NREP: variants seen among roughly 807,000 people sequenced by gnomAD.
The protein encoded by NREP is neuronal regeneration-related protein.
Under a neutral mutation model 8.6 loss-of-function variants are expected in NREP, and 5 were observed. That is an observed-to-expected ratio of 0.58 (90% CI 0.30 to 1.22). The LOEUF (loss-of-function observed/expected upper bound fraction) is 1.22, where lower values mean the gene tolerates loss of function less well. NREP is among the 50% of genes most tolerant of loss of function. The probability of loss-of-function intolerance (pLI) is 0.07; values close to 1 mark genes in which losing one functional copy is unlikely to be tolerated. For synonymous variants in NREP, 27 were observed against 28.0 expected, an observed-to-expected ratio of 0.96 and a Z score of 0.11; for missense variants, 86 against 82.5, an observed-to-expected ratio of 1.04 and a Z score of -0.17.
At chr5:111,819,000 G>A (rs1055928907) in intron 2 of NREP, among the ~76,000 whole-genome samples, 35 of 152,166 alleles carry the variant, frequency 2.3e-4, no homozygotes, top group African/African-American at 8.0e-4. Context: ...GTTAGATATA[G>A]TGAACTCCAA....
At chr5:111,787,892 G>C (rs765765397) in intron 2 of NREP, among the ~76,000 whole-genome samples, 14 of 152,138 alleles carry the variant, frequency 9.2e-5, no homozygotes, top group Non-Finnish European at 2.1e-4. Context: ...GAGGCCAGGA[G>C]TTTGAGACCA....
At chr5:111,793,785 A>G (rs1018598408) in intron 2 of NREP, among the ~76,000 whole-genome samples, 1 of 152,198 alleles carries the variant, frequency 6.6e-6, no homozygotes, top group Non-Finnish European at 1.5e-5. Context: ...CTGGCTGGGC[A>G]CAGTGGCTCA....
intron 1 of NREP, chr5:111,756,160 T>G (rs574744767): frequency 9.5e-7 from 1 of 1,055,614 alleles, no homozygotes; most frequent in African/African-American, 1.6e-5. Context: ...CTGGCTGCTC[T>G]TTGTTCCCAG....
intron 2 of NREP, among the ~76,000 whole-genome samples, chr5:111,736,843 A>C (rs577065678): frequency 6.6e-6 from 1 of 152,202 alleles, no homozygotes; most frequent in Admixed American, 6.5e-5. Flanking sequence ...ACTTGCCCCA[A>C]GTCACACAGG....
intron 2 of NREP, among the ~76,000 whole-genome samples, chr5:111,866,659 G>T (rs1162701246): frequency 6.6e-6 from 1 of 152,112 alleles, no homozygotes; most frequent in Non-Finnish European, 1.5e-5. Flanking sequence ...ATACCCAAAG[G>T]ATTATAAATC....
chr5:111,934,455 G>A (rs578081703), intron 2 of NREP, among the ~76,000 whole-genome samples: 1 of 152,022 alleles, frequency 6.6e-6, no homozygotes, highest in Non-Finnish European at 1.5e-5. Flanking sequence ...AAAAGAACAT[G>A]AAAAGATAGT....
At position 111,730,163 on chromosome 5, in the gene NREP, C is replaced by T. The variant is rs1748423090; in HGVS notation, c.*758G>A. 6.6e-6 allele frequency: 1 copy of T among 152,506 alleles called. No individual in the cohort carries two copies. The highest frequency in any genetic ancestry group is 2.4e-5 in the African/African-American group (1 of 41,400). The allele number at this position is 152,506 out of a possible 1,614,324, so 9.4% of individuals were successfully genotyped here. ...GAGCGCCAGCCAACGAGACAATGGT[C>T]TCTCACACTCTGGTAGCATTCGCTC... is the stretch of plus-strand genomic sequence containing the variant. On this transcript the variant is annotated 3_prime_UTR_variant, in exon 4 of 4. Coordinates refer to ENST00000257435, the MANE Select transcript of NREP (RefSeq NM_004772.4).
intron 2 of NREP, among the ~76,000 whole-genome samples, chr5:111,797,194 A>G (rs1444837055): frequency 1.3e-5 from 2 of 152,356 alleles, no homozygotes; most frequent in African/African-American, 4.8e-5. Context: ...CAATTTATCC[A>G]TTCAATAAAT....
intron 2 of NREP, among the ~76,000 whole-genome samples, chr5:111,928,169 T>C (rs1755441148): frequency 9.0e-6 from 1 of 110,968 alleles, no homozygotes; most frequent in Non-Finnish European, 1.8e-5. Flanking sequence ...TTTTTGCTCA[T>C]ATATCCCCTA....
At chr5:111,749,253 A>G (rs919872314) in intron 2 of NREP, among the ~76,000 whole-genome samples, 1 of 152,168 alleles carries the variant, frequency 6.6e-6, no homozygotes, top group African/African-American at 2.4e-5. Context: ...GAGGTGGAGA[A>G]GGCATAAAGA....
intron 2 of NREP, among the ~76,000 whole-genome samples, chr5:111,775,885 G>A (rs1259937101): frequency 2.0e-5 from 3 of 152,110 alleles, no homozygotes; most frequent in African/African-American, 7.2e-5. Context: ...AATAAGGGGT[G>A]AAGGATATTA....
intron 2 of NREP, among the ~76,000 whole-genome samples, chr5:111,855,952 T>C (rs542100218): frequency 6.6e-6 from 1 of 152,312 alleles, no homozygotes; most frequent in African/African-American, 2.4e-5. Context: ...TGTCTACTTT[T>C]CTTTGATGTT....
At chr5:111,953,493 T>A (rs1279705279) in intron 2 of NREP, among the ~76,000 whole-genome samples, 3 of 152,284 alleles carry the variant, frequency 2.0e-5, no homozygotes, top group Middle Eastern at 3.4e-3. Context: ...AAAAACTTCT[T>A]TCCAACTTTA....
chr5:111,976,694 G>C (rs1248027144), intron 1 of NREP: 1 of 1,547,194 alleles, frequency 6.5e-7, no homozygotes, highest in Non-Finnish European at 8.7e-7. Context: ...TACACAGTAA[G>C]TTATTCTTCA....
chr5:111,905,278 T>G (rs1046061405), intron 2 of NREP, among the ~76,000 whole-genome samples: 8 of 152,122 alleles, frequency 5.3e-5, no homozygotes, highest in Admixed American at 5.2e-4. Flanking sequence ...TGTTTAACAT[T>G]GTAAGAAACT....
In NREP at chr5:111,833,807, G is replaced by A. The variant is rs552804653; in HGVS notation, c.136-98300C>T. 1.1e-4 allele frequency among the ~76,000 whole-genome samples: 17 copies of A among 152,136 alleles called. No homozygotes were observed. In the South Asian group the frequency reaches 1.7e-3, roughly 15 times the overall value. On this transcript the variant is annotated intron_variant, in intron 2 of 3. Coordinates refer to the NREP transcript ENST00000395634. ...AAGCCAAGGCAATATAGAAATATGC[G>A]GTGGGTATTAGTGGGAGACAATACT...
intron 2 of NREP, among the ~76,000 whole-genome samples, chr5:111,768,747 T>G (rs764269570): frequency 6.6e-6 from 1 of 152,224 alleles, no homozygotes; most frequent in Non-Finnish European, 1.5e-5. Context: ...CCATGTTTTC[T>G]TTATTCAGTC....
rs17133914 is a variant in NREP, at chr5:111,958,403, T to C, written c.135+16871A>G. Among the ~76,000 whole-genome samples the C allele has an allele frequency of 6.5e-3, 987 of 152,018 alleles. 11 individuals are homozygous for C. Among genetic ancestry groups the C allele is most frequent in the African/African-American group, 0.023 (951 of 41,548 alleles). On this transcript the variant is annotated intron_variant, in intron 2 of 3. Transcript: ENST00000395634. ...AAACAAAATTGTCACAATTCATAGT[T>C]GATAAAATTTACCACATAGAGAAAT...
chr5:111,915,172 C>T (rs949906142), intron 2 of NREP, among the ~76,000 whole-genome samples: 5 of 152,016 alleles, frequency 3.3e-5, no homozygotes, highest in Non-Finnish European at 7.4e-5. Context: ...CTGGAAGTGC[C>T]TGAGAGTTTG....
Sources: allele counts gnomAD v4.1 joint callset (sites outside exome capture counted in the v4.1 genomes callset), GRCh38; gene constraint gnomAD v4.1.1; transcripts MANE v1.5; gene names NCBI Gene and HGNC (gene_info 2026-07-23, HGNC 2026-07-21).